Variants in DNAH9 observed in about 807,000 individuals in gnomAD.
DNAH9 encodes the protein DNAH9 variant protein.
DNAH9 carries 345 observed loss-of-function variants against 471.6 expected under a neutral mutation model. The ratio of observed to expected loss-of-function variants is 0.73; its 90% confidence interval spans 0.67 to 0.80. The LOEUF (loss-of-function observed/expected upper bound fraction) is 0.80, where lower values mean the gene tolerates loss of function less well. Among genes scored for constraint, DNAH9 ranks in the 30% least tolerant of loss-of-function variants. DNAH9 has a pLI of 0.00. For synonymous variants in DNAH9, 2,093 were observed against 2,123.6 expected (o/e 0.99, Z 0.40); for missense variants, 5,407 against 5,609.2 (o/e 0.96, Z 1.15).
At chr17:11,813,791 A>G (rs1970002511) in intron 45 of DNAH9, among the ~76,000 whole-genome samples, 1 of 152,196 alleles carries the variant, frequency 6.6e-6, no homozygotes. Flanking sequence ...TCTGACACGA[A>G]CTACAGCATT....
chr17:11,830,219 T>C (rs1235759599), intron 48 of DNAH9, among the ~76,000 whole-genome samples: 1 of 152,234 alleles, frequency 6.6e-6, no homozygotes, highest in Non-Finnish European at 1.5e-5. Flanking sequence ...TGGCATTGCC[T>C]GGTCCCCCTT....
At chr17:11,782,485 C>T (rs1304207331) in intron 39 of DNAH9, among the ~76,000 whole-genome samples, 1 of 152,190 alleles carries the variant, frequency 6.6e-6, no homozygotes, top group Non-Finnish European at 1.5e-5. Context: ...TGCATCTCTC[C>T]TCCACCCTCC....
intron 4 of DNAH9, among the ~76,000 whole-genome samples, chr17:11,613,014 A>G (rs1361018954): frequency 2.0e-5 from 3 of 152,160 alleles, no homozygotes; most frequent in Non-Finnish European, 2.9e-5. Context: ...CATCTTAGCT[A>G]AAGGAAGAAA....
At position 11,889,533 on chromosome 17, in the gene DNAH9, GCCTC is replaced by G. The variant is rs538380812; in HGVS notation, c.11113-2240_11113-2237del. On this transcript the variant is annotated intron_variant, in intron 57 of 68. Transcript: ENST00000262442. ...CCTCCAGTGTTGCCACAGTCCTTATGCCTCCCTATTCGGTATTAAACACCTGGCC... is the reference window on the plus strand; with the variant it reads ...CCTCCAGTGTTGCCACAGTCCTTATGCCTATTCGGTATTAAACACCTGGCC... 1.8e-4 allele frequency among the ~76,000 whole-genome samples: 28 copies of G among 152,334 alleles called. No homozygotes were observed. In the East Asian group the frequency reaches 5.4e-3, roughly 29 times the overall value.
At chr17:11,665,131 A>G (rs1021109074) in intron 15 of DNAH9, among the ~76,000 whole-genome samples, 163 bp downstream of exon 15, 9 of 152,264 alleles carry the variant, frequency 5.9e-5, no homozygotes, top group Admixed American at 4.6e-4. Context: ...TCGAACTTCT[A>G]AATTGTTCAA....
chr17:11,748,177 A>T (rs1053986810), intron 32 of DNAH9, among the ~76,000 whole-genome samples: 4 of 110,804 alleles, frequency 3.6e-5, no homozygotes, highest in African/African-American at 9.5e-5. Context: ...AAAAAAAAAA[A>T]TCAGCTGGGC....
At chr17:11,663,814 C>A (rs912123480) in intron 14 of DNAH9, among the ~76,000 whole-genome samples, 1 of 152,102 alleles carries the variant, frequency 6.6e-6, no homozygotes. Context: ...TCTTAATACC[C>A]GAGAGAAACT....
chr17:11,720,370 T>G (rs1242909851), intron 27 of DNAH9, among the ~76,000 whole-genome samples: 3 of 152,124 alleles, frequency 2.0e-5, no homozygotes, highest in Admixed American at 6.6e-5. Flanking sequence ...TTTATATTAG[T>G]TGTATCTCCT....
chr17:11,617,417 C>T lies in DNAH9; in HGVS notation c.911C>T (p.Ala304Val). The change falls in exon 5 of 69, where the codon GCA (alanine) becomes GTA (valine). Residue 304 changes from alanine (A) to valine (V), a missense_variant. Transcript: ENST00000262442. ...AMYRDVVAAL[A>V]EAQDIHVHLI... ...CATCTCCAATTCCTTCCAGCTCTAG[C>T]AGAGGCACAGGACATCCATGTGCAC... 1 of 1,612,828 alleles carries T rather than the reference C, an allele frequency of 6.2e-7. No individual in the cohort carries two copies. The highest frequency in any genetic ancestry group is 1.3e-5 in the African/African-American group (1 of 75,030).
At chr17:11,889,386 T>G (rs1247815367) in intron 57 of DNAH9, among the ~76,000 whole-genome samples, 1 of 152,140 alleles carries the variant, frequency 6.6e-6, no homozygotes, top group Non-Finnish European at 1.5e-5. Flanking sequence ...GAGGAGAAGT[T>G]ATGTAAGTTC....
chr17:11,661,580 C>T (rs777744477), intron 14 of DNAH9, among the ~76,000 whole-genome samples: 4 of 152,052 alleles, frequency 2.6e-5, no homozygotes, highest in Non-Finnish European at 4.4e-5. Flanking sequence ...ATTGGCATTT[C>T]AGCTTTACCT....
At chr17:11,946,739 T>C (rs1230817960) in intron 67 of DNAH9, among the ~76,000 whole-genome samples, 2 of 146,484 alleles carry the variant, frequency 1.4e-5, no homozygotes, top group Non-Finnish European at 3.0e-5. Flanking sequence ...TATTTTAAAA[T>C]TGAAAAAGAA....
In DNAH9 at chr17:11,902,876, G is replaced by A. The variant is rs369599774; in HGVS notation, c.11564G>A (p.Arg3855Lys). Reference protein sequence around the residue: ...KTALQRLCMLRAMRPDRMTYA... With the variant: ...KTALQRLCMLKAMRPDRMTYA... The stretch of plus-strand genomic sequence containing the variant: ...GCCCTGCAGCGCCTCTGCATGCTGA[G>A]AGCCATGCGGCCCGACCGGATGACC... Residue 3855 changes from arginine to lysine, a missense_variant, in exon 60 of 69, where the codon AGA becomes AAA. Physicochemically the swap from Arg to Lys is conservative, Grantham distance 26 (BLOSUM62 2). Transcript: ENST00000262442. 154 of 1,613,742 alleles carry A rather than the reference G, an allele frequency of 9.5e-5. No individual in the cohort carries two copies. The highest frequency in any genetic ancestry group is 1.2e-4 in the Non-Finnish European group (145 of 1,179,860).
chr17:11,953,482 G>A (rs1304789937), intron 67 of DNAH9, among the ~76,000 whole-genome samples: 1 of 152,170 alleles, frequency 6.6e-6, no homozygotes, highest in Non-Finnish European at 1.5e-5. Flanking sequence ...AGTATGTCCT[G>A]TTAATGGGCA....
At chr17:11,728,242 G>A (rs761413131) in intron 28 of DNAH9, among the ~76,000 whole-genome samples, 4 of 152,234 alleles carry the variant, frequency 2.6e-5, no homozygotes, top group Middle Eastern at 3.4e-3. Flanking sequence ...TCAGCTCCTC[G>A]GAAAGGCCAT....
chr17:11,680,044 G>A, intron 18 of DNAH9, 65 bp downstream of exon 18: 2 of 1,269,208 alleles, frequency 1.6e-6, no homozygotes, highest in Non-Finnish European at 2.3e-6. Flanking sequence ...TCAGAATGGG[G>A]TAAAGTGGGG....
At chr17:11,784,659 T>C (rs1968797790) in intron 41 of DNAH9, 120 bp downstream of exon 41, 1 of 1,394,866 alleles carries the variant, frequency 7.2e-7, no homozygotes, top group Admixed American at 1.8e-5. Context: ...ACTGTTCATA[T>C]GTAATCATGA....
At chr17:11,694,547 G>A in intron 22 of DNAH9, 100 bp downstream of exon 22, 8 of 1,341,004 alleles carry the variant, frequency 6.0e-6, no homozygotes, top group Non-Finnish European at 6.3e-6. Context: ...TCTCTGGCAG[G>A]TTCTGTACTT....
intron 66 of DNAH9, among the ~76,000 whole-genome samples, chr17:11,938,829 G>A (rs1249920099): frequency 1.3e-5 from 2 of 152,026 alleles, no homozygotes; most frequent in African/African-American, 2.4e-5. Context: ...GAACTCCTGG[G>A]CTGAAGCAAT....
Sources: allele counts gnomAD v4.1 joint callset (sites outside exome capture counted in the v4.1 genomes callset), GRCh38; gene constraint gnomAD v4.1.1; transcripts MANE v1.5; gene names NCBI Gene and HGNC (gene_info 2026-07-23, HGNC 2026-07-21).